EPB41L3: variants seen among roughly 807,000 people sequenced by gnomAD.
The protein encoded by EPB41L3 is erythrocyte membrane protein band 4.1 like 3.
In EPB41L3, 57 loss-of-function variants were observed where a neutral mutation model predicts 127.1. That is an observed-to-expected ratio of 0.45 (90% confidence interval 0.36 to 0.56). The LOEUF (loss-of-function observed/expected upper bound fraction) is 0.56, where lower values mean the gene tolerates loss of function less well. Among genes scored for constraint, EPB41L3 ranks in the 20% least tolerant of loss-of-function variants. The pLI, the probability that EPB41L3 is intolerant of heterozygous loss-of-function variation, is 0.00. For synonymous variants in EPB41L3, 572 were observed against 549.5 expected (o/e 1.04, Z -0.57); for missense variants, 1,273 against 1,372.2 (o/e 0.93, Z 1.14).
intron 3 of EPB41L3, among the ~76,000 whole-genome samples, chr18:5,580,455 C>T (rs186039977): frequency 3.0e-3 from 449 of 152,056 alleles, no homozygotes; most frequent in Middle Eastern, 3.4e-3. Context: ...TGTATAGATG[C>T]ACTCACAAAT....
At chr18:5,607,068 T>G (rs980217339) in intron 3 of EPB41L3, among the ~76,000 whole-genome samples, 4 of 152,186 alleles carry the variant, frequency 2.6e-5, no homozygotes, top group Admixed American at 2.0e-4. Context: ...GTACCAGATT[T>G]ATTATTAGTA....
At chr18:5,534,926 A>G (rs889661046) in intron 1 of EPB41L3, among the ~76,000 whole-genome samples, 4 of 152,054 alleles carry the variant, frequency 2.6e-5, no homozygotes, top group Non-Finnish European at 5.9e-5. Flanking sequence ...TTCCATCTGT[A>G]TCTTCTCTAG....
intron 3 of EPB41L3, among the ~76,000 whole-genome samples, chr18:5,455,920 A>T (rs1241127290): frequency 2.6e-5 from 4 of 152,018 alleles, no homozygotes; most frequent in Admixed American, 2.0e-4. Flanking sequence ...TGTTTGAAAC[A>T]GACACGTACT....
chr18:5,512,868 T>C (rs942123539), intron 1 of EPB41L3, among the ~76,000 whole-genome samples: 1 of 152,136 alleles, frequency 6.6e-6, no homozygotes, highest in African/African-American at 2.4e-5. Flanking sequence ...ATAAATCCTC[T>C]AGTTCCCTAC....
chr18:5,564,353 T>C (rs1465998456), intron 3 of EPB41L3, among the ~76,000 whole-genome samples: 1 of 152,178 alleles, frequency 6.6e-6, no homozygotes, highest in Non-Finnish European at 1.5e-5. Context: ...ATCTCTGCCA[T>C]GTTAGAGACG....
At chr18:5,501,582 A>G (rs2091752075) in intron 1 of EPB41L3, among the ~76,000 whole-genome samples, 1 of 152,224 alleles carries the variant, frequency 6.6e-6, no homozygotes, top group South Asian at 2.1e-4. Context: ...TTTTCCCCAC[A>G]GTTCTATATC....
intron 1 of EPB41L3, among the ~76,000 whole-genome samples, chr18:5,511,391 G>GGTTTTTTTT (rs2092505833): frequency 1.7e-5 from 1 of 59,796 alleles, no homozygotes; most frequent in Non-Finnish European, 2.9e-5. Context: ...AGGTATTTTG[G>GGTTTTTTTT]TTTTTTTTTT....
rs757425312 is a variant in EPB41L3, at chr18:5,416,390, G to A, written c.1507-12C>T. The A allele has an allele frequency of 2.5e-6, 4 of 1,587,182 alleles. No homozygotes were observed. In the East Asian group the frequency reaches 9.0e-5, roughly 36 times the overall value. ...CCAAGCCCAGGTGACTGATGTGAAA[G>A]AGACAGAAAGAGACAGAAAGCAGCA... On this transcript the variant is annotated splice_polypyrimidine_tract_variant and intron_variant, in intron 12 of 22. Coordinates refer to ENST00000341928, the MANE Select transcript of EPB41L3 (RefSeq NM_012307.5).
intron 3 of EPB41L3, among the ~76,000 whole-genome samples, chr18:5,456,986 C>T (rs1271628947): frequency 6.6e-6 from 1 of 152,244 alleles, no homozygotes; most frequent in African/African-American, 2.4e-5. Flanking sequence ...CAGCAACCTG[C>T]AGGGAATGGT....
intron 6 of EPB41L3, among the ~76,000 whole-genome samples, chr18:5,436,904 T>A (rs1414478779): frequency 6.6e-6 from 1 of 152,228 alleles, no homozygotes; most frequent in Non-Finnish European, 1.5e-5. Context: ...GTGAAATTAT[T>A]TTTAACTGTA....
At chr18:5,606,527 AACCCT>A in intron 3 of EPB41L3, among the ~76,000 whole-genome samples, 1 of 152,220 alleles carries the variant, frequency 6.6e-6, no homozygotes, top group East Asian at 1.9e-4. Flanking sequence ...TACAAACTTT[AACCCT>A]TTATTCGTAT....
intron 1 of EPB41L3, among the ~76,000 whole-genome samples, chr18:5,527,452 T>C (rs753906344): frequency 6.6e-6 from 1 of 152,156 alleles, no homozygotes; most frequent in Non-Finnish European, 1.5e-5. Flanking sequence ...TTTCACATTA[T>C]ATTTTAAACG....
At chr18:5,401,729 T>C (rs975626816) in intron 16 of EPB41L3, among the ~76,000 whole-genome samples, 2 of 152,140 alleles carry the variant, frequency 1.3e-5, no homozygotes, top group African/African-American at 2.4e-5. Context: ...AATTAAGAAA[T>C]ATTAAGTATT....
chr18:5,485,009 A>C (rs974039573), intron 2 of EPB41L3, among the ~76,000 whole-genome samples: 13 of 152,022 alleles, frequency 8.6e-5, no homozygotes, highest in Admixed American at 6.6e-4. Context: ...TTACTCTGAT[A>C]CCAAAAGCAG....
chr18:5,551,800 T>C (rs1016452094), intron 3 of EPB41L3, among the ~76,000 whole-genome samples: 1 of 152,204 alleles, frequency 6.6e-6, no homozygotes, highest in Non-Finnish European at 1.5e-5. Context: ...CAATTCTCTC[T>C]GTTTCGTGTA....
At chr18:5,486,431 G>GT (rs111983469) in intron 2 of EPB41L3, among the ~76,000 whole-genome samples, 7 of 151,820 alleles carry the variant, frequency 4.6e-5, no homozygotes, top group African/African-American at 7.3e-5. Context: ...TCTGAGCAAA[G>GT]TTTTTTTTGT....
intron 1 of EPB41L3, among the ~76,000 whole-genome samples, chr18:5,531,172 G>T (rs2093399806): frequency 6.6e-6 from 1 of 152,194 alleles, no homozygotes; most frequent in African/African-American, 2.4e-5. Flanking sequence ...CTGCACATTT[G>T]TAGATGAGTG....
intron 2 of EPB41L3, among the ~76,000 whole-genome samples, chr18:5,487,684 A>T (rs2089996973): frequency 6.6e-6 from 1 of 151,532 alleles, no homozygotes; most frequent in Non-Finnish European, 1.5e-5. Flanking sequence ...CGGCTGTCTC[A>T]AACTCCTGAC....
chr18:5,502,806 A>C (rs1195074436), intron 1 of EPB41L3, among the ~76,000 whole-genome samples: 1 of 152,226 alleles, frequency 6.6e-6, no homozygotes, highest in Non-Finnish European at 1.5e-5. Context: ...AATAGGAAAA[A>C]ATGAGGATAC....
Sources: gnomAD v4.1 joint callset for allele counts (sites outside exome capture counted in the v4.1 genomes callset) on GRCh38, gnomAD v4.1.1 for gene constraint, MANE v1.5 for transcripts, NCBI Gene and HGNC (gene_info 2026-07-23, HGNC 2026-07-21) for gene names.